The following CSMD1 variants were observed in gnomAD, a reference collection of about 807,000 sequenced individuals.
CSMD1 encodes CUB and sushi domain-containing protein 1.
Under a neutral mutation model 417.5 loss-of-function variants are expected in CSMD1, and 213 were observed. The observed-to-expected ratio is 0.51, with a 90% CI of 0.46 to 0.57. The LOEUF is 0.57. Among genes scored for constraint, CSMD1 ranks in the 20% least tolerant of loss-of-function variants. The pLI is 0.00. For missense variants in CSMD1, 6,923 were observed against 4,529.7 expected, an observed-to-expected ratio of 1.53 and a Z score of -15.17; for synonymous variants, 2,862 against 1,736.8, an observed-to-expected ratio of 1.65 and a Z score of -16.11.
At chr8:4,812,831 C>T (rs1438784234) in intron 1 of CSMD1, among the ~76,000 whole-genome samples, 3 of 152,170 alleles carry the variant, frequency 2.0e-5, no homozygotes, top group African/African-American at 7.2e-5. Context: ...CTCCACTTTT[C>T]ATAGGGAATC....
At chr8:4,615,025 C>A (rs994668996) in intron 2 of CSMD1, among the ~76,000 whole-genome samples, 3 of 152,120 alleles carry the variant, frequency 2.0e-5, no homozygotes, top group African/African-American at 7.2e-5. Flanking sequence ...ACGCTAATGA[C>A]TTCACAGTTA....
chr8:4,243,403 C>A lies in CSMD1; in HGVS notation c.415+176550G>T, dbSNP rs1292944203. Among the ~76,000 whole-genome samples, 2 of 152,114 alleles carry A rather than the reference C, an allele frequency of 1.3e-5. 1 individual carries two copies. The highest frequency in any genetic ancestry group is 2.9e-5 in the Non-Finnish European group (2 of 68,010). On this transcript the variant is annotated intron_variant, in intron 3 of 69. Coordinates refer to ENST00000635120, the MANE Select transcript of CSMD1 (RefSeq NM_033225.6). ...GCTTGACTTGGAGAGAATGACTCATCCTCTACTGACCACTTTGCTCCTTGT... is the reference window on the plus strand; with the variant it reads ...GCTTGACTTGGAGAGAATGACTCATACTCTACTGACCACTTTGCTCCTTGT...
At chr8:3,727,397 G>C (rs1322342512) in intron 6 of CSMD1, among the ~76,000 whole-genome samples, 2 of 152,136 alleles carry the variant, frequency 1.3e-5, no homozygotes, top group African/African-American at 4.8e-5. Flanking sequence ...CAGGTACCAA[G>C]TGGATACCTC....
chr8:4,797,211 A>G (rs1798028624), intron 1 of CSMD1, among the ~76,000 whole-genome samples: 1 of 152,212 alleles, frequency 6.6e-6, no homozygotes, highest in Non-Finnish European at 1.5e-5. Context: ...CAGTAAGGAC[A>G]GGTTTCCAAT....
intron 2 of CSMD1, among the ~76,000 whole-genome samples, chr8:4,628,089 A>G (rs1802229261): frequency 6.7e-6 from 1 of 149,644 alleles, no homozygotes; most frequent in South Asian, 2.1e-4. Context: ...ACATACACAT[A>G]TATTATATAC....
intron 5 of CSMD1, among the ~76,000 whole-genome samples, chr8:3,951,887 C>A (rs1432598268): frequency 6.6e-6 from 1 of 151,416 alleles, no homozygotes; most frequent in African/African-American, 2.4e-5. Context: ...ATAAGCTATC[C>A]TGGAGGAAAA....
At chr8:3,535,276 G>A (rs1798148683) in intron 10 of CSMD1, among the ~76,000 whole-genome samples, 3 of 152,096 alleles carry the variant, frequency 2.0e-5, no homozygotes, top group South Asian at 2.1e-4. Context: ...AATGACAGAC[G>A]ACACTGAAAT....
chr8:4,630,857 G>C (rs893438890), intron 2 of CSMD1, among the ~76,000 whole-genome samples: 2 of 152,140 alleles, frequency 1.3e-5, no homozygotes. Context: ...GAACTATCCA[G>C]GCCCTGGTTC....
intron 1 of CSMD1, among the ~76,000 whole-genome samples, chr8:4,906,866 C>T (rs1327913740): frequency 6.6e-6 from 1 of 152,102 alleles, no homozygotes; most frequent in African/African-American, 2.4e-5. Flanking sequence ...CCTTGAGTTT[C>T]TTTTTTCAAA....
intron 7 of CSMD1, among the ~76,000 whole-genome samples, chr8:3,691,284 T>G (rs1280234631): frequency 6.6e-6 from 1 of 151,970 alleles, no homozygotes; most frequent in African/African-American, 2.4e-5. Flanking sequence ...AGGAGATCAC[T>G]TGACCCTGGG....
chr8:3,897,303 G>A (rs1183817049), intron 5 of CSMD1, among the ~76,000 whole-genome samples: 1 of 152,194 alleles, frequency 6.6e-6, no homozygotes, highest in Non-Finnish European at 1.5e-5. Flanking sequence ...AGAGCTGTGT[G>A]CAGGAGCAGT....
chr8:3,157,527 T>C (rs1228728864), intron 39 of CSMD1, among the ~76,000 whole-genome samples: 2 of 152,232 alleles, frequency 1.3e-5, no homozygotes, highest in Non-Finnish European at 2.9e-5. Flanking sequence ...AACTTGTTTT[T>C]TCTGAGGCTA....
At chr8:2,963,100 T>C (rs1803642180) in intron 60 of CSMD1, 122 bp downstream of exon 60, 2 of 1,065,568 alleles carry the variant, frequency 1.9e-6, no homozygotes, top group South Asian at 3.0e-5. Flanking sequence ...AGTTTTTGTG[T>C]ATTTTAGGGC....
At chr8:4,717,586 A>ATCCATCCATCCATCCATC (rs1563209046) in intron 1 of CSMD1, among the ~76,000 whole-genome samples, 2 of 146,924 alleles carry the variant, frequency 1.4e-5, no homozygotes, top group African/African-American at 5.1e-5. Flanking sequence ...ATCCATCCAT[A>ATCCATCCATCCATCCATC]CATCCATCCA....
intron 1 of CSMD1, among the ~76,000 whole-genome samples, chr8:4,726,945 T>C (rs1809499095): frequency 6.6e-6 from 1 of 152,128 alleles, no homozygotes; most frequent in South Asian, 2.1e-4. Context: ...ATTGTACATA[T>C]GTACTTAAAA....
At chr8:3,083,640 ATATATATATTTTTTTTTTTTTTTTTTT>A (rs1814295143) in intron 49 of CSMD1, among the ~76,000 whole-genome samples, 4 of 22,220 alleles carry the variant, frequency 1.8e-4, no homozygotes, top group Non-Finnish European at 3.0e-4. Flanking sequence ...ATATATATAT[ATATATATATTTTTTTTTTTTTTTTTTT>A]TTTTTTTTTT....
intron 1 of CSMD1, among the ~76,000 whole-genome samples, chr8:4,906,796 G>C (rs11782086): frequency 0.12 from 18,605 of 152,222 alleles, 1,409 homozygotes; most frequent in East Asian, 0.31. Flanking sequence ...TTGACCTCGT[G>C]ATCTGCCTGC....
rs535130058 is a variant in CSMD1 at position 3,091,583 on chromosome 8, A to G, written c.7218T>C (p.Asn2406=). Residue 2406 remains asparagine (N), a synonymous_variant, in exon 48 of 70, where the codon AAT becomes AAC. Transcript: ENST00000635120. ...TEQSNFTSRS[N]QLYLRWSTDH... is the part of the protein sequence containing the mutation. ...CAGTGGACCAGCGGAGATATAACTGATTACTCCTGCTTGTAAAATTTGATT... is the reference window on the plus strand; with the variant it reads ...CAGTGGACCAGCGGAGATATAACTGGTTACTCCTGCTTGTAAAATTTGATT... 6.8e-5 allele frequency: 110 copies of G among 1,611,408 alleles called. No individual in the cohort carries two copies. Among genetic ancestry groups the G allele is most frequent in the Non-Finnish European group, 5.9e-5 (69 of 1,179,340 alleles).
intron 2 of CSMD1, among the ~76,000 whole-genome samples, chr8:4,624,489 G>A (rs190960880): frequency 2.6e-5 from 4 of 152,228 alleles, no homozygotes; most frequent in Admixed American, 2.0e-4. Context: ...TACATCAGAG[G>A]TTGCAAGCGC....
Sources: gnomAD v4.1 joint callset for allele counts (sites outside exome capture counted in the v4.1 genomes callset) on GRCh38, gnomAD v4.1.1 for gene constraint, MANE v1.5 for transcripts, NCBI Gene and HGNC (gene_info 2026-07-23, HGNC 2026-07-21) for gene names.